SND1: variants seen among roughly 807,000 people sequenced by gnomAD.
SND1 encodes staphylococcal nuclease and tudor domain containing 1.
A neutral mutation model predicts 121.7 loss-of-function variants in SND1; 38 were observed. The observed-to-expected ratio is 0.31, with a 90% confidence interval of 0.24 to 0.41. SND1 has a LOEUF of 0.41. Among genes scored for constraint, SND1 ranks in the 10% least tolerant of loss-of-function variants. The pLI is 1.00. For missense variants in SND1, 868 were observed against 1,184.6 expected (o/e 0.73, Z 3.92); for synonymous variants, 401 against 447.4 (o/e 0.90, Z 1.31).
At chr7:127,857,546 G>T (rs1192636146) in intron 12 of SND1, among the ~76,000 whole-genome samples, 1 of 150,062 alleles carries the variant, frequency 6.7e-6, no homozygotes, top group Non-Finnish European at 1.5e-5. Context: ...TAGCACAGTT[G>T]GGGGTGTTTA....
At chr7:128,004,751 G>A (rs754397198) in intron 16 of SND1, among the ~76,000 whole-genome samples, 3 of 152,164 alleles carry the variant, frequency 2.0e-5, no homozygotes, top group East Asian at 1.9e-4. Flanking sequence ...CATCATAACC[G>A]TGTGTCTTAT....
chr7:127,763,731 A>G (rs1033926249), intron 10 of SND1, among the ~76,000 whole-genome samples: 3 of 152,104 alleles, frequency 2.0e-5, no homozygotes, highest in African/African-American at 7.2e-5. Context: ...TTTTGGTATC[A>G]TTCTTATTTT....
At chr7:127,773,638 A>G (rs1584562519) in intron 10 of SND1, among the ~76,000 whole-genome samples, 2 of 152,304 alleles carry the variant, frequency 1.3e-5, no homozygotes, top group Middle Eastern at 3.4e-3. Context: ...ATGTGGAAGA[A>G]TAGATACTTC....
chr7:127,654,657 A>G (rs1251652642), intron 1 of SND1, among the ~76,000 whole-genome samples: 1 of 152,214 alleles, frequency 6.6e-6, no homozygotes, highest in South Asian at 2.1e-4. Flanking sequence ...ACATAGGAGT[A>G]TGGTGTGGAA....
chr7:128,000,645 G>A (rs1045469171), intron 16 of SND1, among the ~76,000 whole-genome samples: 19 of 152,068 alleles, frequency 1.2e-4, no homozygotes, highest in Non-Finnish European at 1.2e-4. Context: ...CTGGGATTAC[G>A]GGCATGAGCC....
At chr7:127,863,409 C>T (rs73721019) in intron 12 of SND1, among the ~76,000 whole-genome samples, 2,592 of 152,062 alleles carry the variant, frequency 0.017, 93 homozygotes, top group African/African-American at 0.059. Flanking sequence ...GTTAATATAC[C>T]TTGAAAAAAT....
chr7:127,697,412 G>A (rs917424316), intron 3 of SND1, among the ~76,000 whole-genome samples: 3 of 152,166 alleles, frequency 2.0e-5, no homozygotes, highest in African/African-American at 7.2e-5. Context: ...GACTTATCGG[G>A]TGTGCTGTTG....
At chr7:127,882,585 C>A (rs1329858674) in intron 12 of SND1, among the ~76,000 whole-genome samples, 1 of 152,058 alleles carries the variant, frequency 6.6e-6, no homozygotes, top group Non-Finnish European at 1.5e-5. Context: ...TTGTCTTCCT[C>A]CTCTCAATTA....
rs539997080 is a variant in SND1 at position 127,733,305 on chromosome 7, A to T, written c.1152+11905A>T. On this transcript the variant is annotated intron_variant, in intron 10 of 23. Coordinates refer to ENST00000354725, the MANE Select transcript of SND1 (RefSeq NM_014390.4). The stretch of plus-strand genomic sequence containing the variant: ...TCCCTCACGGTATTTGAGGTTACTG[A>T]TCTTAATGCAGTAGAGGACTGGGAA... Among the ~76,000 whole-genome samples the T allele has an allele frequency of 1.2e-3, 178 of 152,304 alleles. 1 individual carries two copies. Among genetic ancestry groups the T allele is most frequent in the Non-Finnish European group, 2.2e-3 (151 of 68,024 alleles).
At chr7:128,030,133 C>G (rs747826825) in intron 16 of SND1, 3 of 1,614,164 alleles carry the variant, frequency 1.9e-6, no homozygotes, top group Non-Finnish European at 2.5e-6. Flanking sequence ...AGGGAGGGCA[C>G]CCGGTTGAAG....
At chr7:127,766,511 C>T (rs563673404) in intron 10 of SND1, among the ~76,000 whole-genome samples, 4 of 152,226 alleles carry the variant, frequency 2.6e-5, no homozygotes, top group Admixed American at 2.6e-4. Context: ...CGCGATGGCT[C>T]ATGCCTTTAA....
chr7:127,713,794 T>A (rs1211315438), intron 9 of SND1, among the ~76,000 whole-genome samples: 1 of 152,236 alleles, frequency 6.6e-6, no homozygotes, highest in Non-Finnish European at 1.5e-5. Context: ...TCCCTTTGTC[T>A]GCTTAAGCAG....
At chr7:127,666,024 A>G (rs1207548830) in intron 1 of SND1, among the ~76,000 whole-genome samples, 1 of 152,202 alleles carries the variant, frequency 6.6e-6, no homozygotes, top group East Asian at 1.9e-4. Context: ...TGCTCTTGGC[A>G]GGTGAGCCCT....
intron 23 of SND1, 48 bp from the exon 24 acceptor site, chr7:128,091,945 C>T (rs746923661): frequency 1.2e-5 from 19 of 1,613,828 alleles, no homozygotes; most frequent in East Asian, 2.2e-5. Flanking sequence ...CTCTGAGTTC[C>T]GGTGGGTCCC....
At chr7:127,858,410 G>T in intron 12 of SND1, 2 of 1,075,084 alleles carry the variant, frequency 1.9e-6, no homozygotes, top group Non-Finnish European at 2.8e-6. Context: ...CTCCAAGAAG[G>T]CTTGGGCACT....
At chr7:127,875,496 G>A (rs1239463855) in intron 12 of SND1, among the ~76,000 whole-genome samples, 1 of 152,122 alleles carries the variant, frequency 6.6e-6, no homozygotes, top group African/African-American at 2.4e-5. Flanking sequence ...TAGGGTCAGA[G>A]GTATGAGGGT....
intron 16 of SND1, among the ~76,000 whole-genome samples, chr7:128,060,375 T>C (rs1257980567): frequency 6.6e-6 from 1 of 152,108 alleles, no homozygotes; most frequent in African/African-American, 2.4e-5. Flanking sequence ...TCAGAGGAAA[T>C]GAGATTGGTG....
At chr7:127,986,802 G>A (rs138916598) in intron 15 of SND1, among the ~76,000 whole-genome samples, 267 of 152,374 alleles carry the variant, frequency 1.8e-3, no homozygotes, top group African/African-American at 6.1e-3. Flanking sequence ...CTGCCCTTGT[G>A]GAAGTCAGCT....
At chr7:128,031,096 C>T (rs1027318354) in intron 16 of SND1, 2 of 152,974 alleles carry the variant, frequency 1.3e-5, no homozygotes, top group African/African-American at 4.8e-5. Context: ...AAAATGGCCT[C>T]TAGTAAATCC....
Sources: allele counts gnomAD v4.1 joint callset (sites outside exome capture counted in the v4.1 genomes callset), GRCh38; gene constraint gnomAD v4.1.1; transcripts MANE v1.5; gene names NCBI Gene and HGNC (gene_info 2026-07-23, HGNC 2026-07-21).